The following KHDRBS3 variants were observed in gnomAD, a reference collection of about 807,000 sequenced individuals.
KHDRBS3 encodes the protein KH RNA binding domain containing, signal transduction associated 3.
A neutral mutation model predicts 45.6 loss-of-function variants in KHDRBS3; 23 were observed. That is an observed-to-expected ratio of 0.50 (90% CI 0.36 to 0.72). The LOEUF (loss-of-function observed/expected upper bound fraction) is 0.72. Among genes scored for constraint, KHDRBS3 ranks in the 30% least tolerant of loss-of-function variants. The pLI is 0.00. For missense variants in KHDRBS3, 352 were observed against 424.8 expected (o/e 0.83, Z 1.51); for synonymous variants, 162 against 156.5 (o/e 1.04, Z -0.26).
intron 1 of KHDRBS3, among the ~76,000 whole-genome samples, chr8:135,515,856 C>T (rs1373151727): frequency 2.6e-5 from 4 of 152,150 alleles, no homozygotes; most frequent in Non-Finnish European, 4.4e-5. Context: ...TATTTCTGTA[C>T]CCTATCTACT....
chr8:135,491,521 T>G (rs1823150295), intron 1 of KHDRBS3, among the ~76,000 whole-genome samples: 1 of 152,244 alleles, frequency 6.6e-6, no homozygotes, highest in Admixed American at 6.5e-5. Context: ...TGTGTGTATG[T>G]ATGTGTGTAT....
At chr8:135,641,232 C>T (rs1240495026) in intron 7 of KHDRBS3, among the ~76,000 whole-genome samples, 1 of 152,176 alleles carries the variant, frequency 6.6e-6, no homozygotes, top group Non-Finnish European at 1.5e-5. Flanking sequence ...AGTCTATGCT[C>T]ATGTTCATCA....
intron 7 of KHDRBS3, among the ~76,000 whole-genome samples, chr8:135,633,970 C>T (rs367674920): frequency 1.2e-4 from 19 of 152,344 alleles, no homozygotes; most frequent in African/African-American, 4.3e-4. Flanking sequence ...CATGTGTCCA[C>T]CATGAGAGTA....
At chr8:135,462,193 ATTAT>A (rs1210802911) in intron 1 of KHDRBS3, among the ~76,000 whole-genome samples, 2 of 149,386 alleles carry the variant, frequency 1.3e-5, no homozygotes, top group Admixed American at 6.6e-5. Flanking sequence ...GGAGGATGTG[ATTAT>A]TTAGTTTTTA....
intron 1 of KHDRBS3, among the ~76,000 whole-genome samples, chr8:135,463,512 A>G (rs1280746236): frequency 2.0e-5 from 3 of 152,204 alleles, no homozygotes; most frequent in Non-Finnish European, 4.4e-5. Flanking sequence ...AGATGTTGTC[A>G]GATCTGCTTT....
At chr8:135,459,934 G>A (rs1251746990) in intron 1 of KHDRBS3, among the ~76,000 whole-genome samples, 1 of 152,228 alleles carries the variant, frequency 6.6e-6, no homozygotes, top group African/African-American at 2.4e-5. Context: ...TTTCTCACAT[G>A]TGAAGGAAGG....
chr8:135,587,910 C>T (rs1223150681), intron 6 of KHDRBS3, among the ~76,000 whole-genome samples: 1 of 152,216 alleles, frequency 6.6e-6, no homozygotes, highest in Non-Finnish European at 1.5e-5. Context: ...TCCATTACTT[C>T]ACCTAAACAC....
chr8:135,604,528 T>C (rs956550193), intron 6 of KHDRBS3, among the ~76,000 whole-genome samples: 5 of 152,078 alleles, frequency 3.3e-5, no homozygotes, highest in African/African-American at 1.2e-4. Context: ...GTTTTTTTTT[T>C]CACTGCACTG....
chr8:135,497,596 A>G (rs541014727), intron 1 of KHDRBS3, among the ~76,000 whole-genome samples: 7 of 152,166 alleles, frequency 4.6e-5, no homozygotes, highest in Non-Finnish European at 8.8e-5. Context: ...CACAAATTAT[A>G]AGGTTATTAG....
chr8:135,552,589 G>A (rs1826664427), intron 4 of KHDRBS3, among the ~76,000 whole-genome samples: 1 of 152,078 alleles, frequency 6.6e-6, no homozygotes, highest in Non-Finnish European at 1.5e-5. Flanking sequence ...CGATAACATA[G>A]CAAACCTGTA....
At chr8:135,510,306 T>C (rs1183800401) in intron 1 of KHDRBS3, among the ~76,000 whole-genome samples, 1 of 152,140 alleles carries the variant, frequency 6.6e-6, no homozygotes, top group Non-Finnish European at 1.5e-5. Context: ...CAGACATGAA[T>C]TGGGCAGCGT....
intron 5 of KHDRBS3, among the ~76,000 whole-genome samples, chr8:135,559,114 T>G (rs1233313514): frequency 6.6e-6 from 1 of 151,828 alleles, no homozygotes; most frequent in Admixed American, 6.6e-5. Flanking sequence ...CTAAATCACA[T>G]CTGTAAAATT....
chr8:135,568,875 T>A (rs929684596), intron 5 of KHDRBS3, among the ~76,000 whole-genome samples: 1 of 152,222 alleles, frequency 6.6e-6, no homozygotes, highest in African/African-American at 2.4e-5. Flanking sequence ...CCCCTGTAAC[T>A]GGTGCCTACA....
intron 4 of KHDRBS3, chr8:135,549,955 T>A (rs1826504407): frequency 6.6e-6 from 1 of 152,246 alleles, no homozygotes; most frequent in Admixed American, 6.5e-5. Flanking sequence ...TATGACAATC[T>A]ATTTCTTCTT....
At chr8:135,554,203 C>T (rs556012514) in intron 4 of KHDRBS3, among the ~76,000 whole-genome samples, 12 of 152,226 alleles carry the variant, frequency 7.9e-5, no homozygotes, top group African/African-American at 2.2e-4. Flanking sequence ...CTTAAATGGA[C>T]GTTATAGTTT....
At chr8:135,514,620 T>C (rs184281300) in intron 1 of KHDRBS3, among the ~76,000 whole-genome samples, 100 of 152,310 alleles carry the variant, frequency 6.6e-4, no homozygotes, top group African/African-American at 2.1e-3. Context: ...ACAAAAAAGT[T>C]CTGGACATCT....
chr8:135,590,162 C>T (rs1270890141), intron 6 of KHDRBS3, among the ~76,000 whole-genome samples: 2 of 152,190 alleles, frequency 1.3e-5, no homozygotes, highest in East Asian at 3.9e-4. Context: ...ACCTGTACAG[C>T]ATGTTACTGT....
intron 1 of KHDRBS3, among the ~76,000 whole-genome samples, chr8:135,515,186 G>T (rs867470130): frequency 1.3e-5 from 2 of 151,654 alleles, no homozygotes; most frequent in African/African-American, 4.8e-5. Context: ...CTAACACGGT[G>T]AAACGCCGTC....
Position 135,457,825 on chromosome 8 carries a change from G to C in KHDRBS3, c.-42G>C, listed in dbSNP as rs755493434. ...CGGGGGTTGCCGGGCGCCGCCCCCC[G>C]TGCGCCTGGAGTCCACATCCCGGGC... On this transcript the variant is annotated 5_prime_UTR_variant, in exon 1 of 9. Coordinates refer to ENST00000355849, the MANE Select transcript of KHDRBS3 (RefSeq NM_006558.3). The surrounding 1 kb of genome is among the most constrained non-coding windows in gnomAD (Gnocchi z 4.4). 1.8e-5 allele frequency: 25 copies of C among 1,388,412 alleles called. No individual in the cohort carries two copies. Among genetic ancestry groups the C allele is most frequent in the Non-Finnish European group, 2.9e-6 (3 of 1,034,866 alleles). The allele number at this position is 1,388,412 out of a possible 1,614,324, so 86.0% of individuals were successfully genotyped here. A position where few individuals can be genotyped will look rare whatever the true frequency, so the allele number is the denominator to read the frequency against.
Sources: gnomAD v4.1 joint callset for allele counts (sites outside exome capture counted in the v4.1 genomes callset) on GRCh38, gnomAD v4.1.1 for gene constraint, Gnocchi (gnomAD v3.1) non-coding constraint, MANE v1.5 for transcripts, NCBI Gene and HGNC (gene_info 2026-07-23, HGNC 2026-07-21) for gene names.